The following EPHA7 variants were observed in gnomAD, a reference collection of about 807,000 sequenced individuals.
The protein encoded by EPHA7 is EPH receptor A7.
In EPHA7, 25 loss-of-function variants were observed where a neutral mutation model predicts 112.6. The observed-to-expected ratio is 0.22, with a 90% CI of 0.16 to 0.31. The LOEUF (loss-of-function observed/expected upper bound fraction) is 0.31, where lower values mean the gene tolerates loss of function less well. Ranked by LOEUF, EPHA7 falls within the 10% of genes least tolerant of loss-of-function variation. The pLI is 1.00. For synonymous variants in EPHA7, 437 were observed against 406.5 expected (o/e 1.07, Z -0.90); for missense variants, 962 against 1,212.6 (o/e 0.79, Z 3.07).
At chr6:93,300,235 A>T (rs1582476471) in intron 5 of EPHA7, among the ~76,000 whole-genome samples, 2 of 152,234 alleles carry the variant, frequency 1.3e-5, no homozygotes, top group East Asian at 3.8e-4. Context: ...ATAGTACTAC[A>T]ATCATAGAAC....
intron 5 of EPHA7, among the ~76,000 whole-genome samples, chr6:93,348,260 T>C (rs1161845011): frequency 6.6e-6 from 1 of 151,762 alleles, no homozygotes; most frequent in African/African-American, 2.4e-5. Context: ...AGAAGAGTCA[T>C]GGCACAGTGA....
intron 5 of EPHA7, among the ~76,000 whole-genome samples, chr6:93,284,179 C>T (rs1771935019): frequency 6.6e-6 from 1 of 152,036 alleles, no homozygotes; most frequent in Admixed American, 6.5e-5. Flanking sequence ...TATTTCTCTC[C>T]TTTTTTCCTG....
At chr6:93,359,874 G>GAGAGAGAGATAGATAGAT (rs1462833873) in intron 3 of EPHA7, among the ~76,000 whole-genome samples, 48 of 127,930 alleles carry the variant, frequency 3.8e-4, no homozygotes, top group African/African-American at 1.1e-3. Flanking sequence ...GAGAGAGAGA[G>GAGAGAGAGATAGATAGAT]AGATAGATAG....
At chr6:93,369,682 C>T (rs1012536576) in intron 3 of EPHA7, among the ~76,000 whole-genome samples, 6 of 152,176 alleles carry the variant, frequency 3.9e-5, no homozygotes, top group Admixed American at 1.3e-4. Flanking sequence ...TGTCCTCTAA[C>T]TCACCGTGAA....
chr6:93,301,042 T>C (rs986622371), intron 5 of EPHA7, among the ~76,000 whole-genome samples: 34 of 152,166 alleles, frequency 2.2e-4, no homozygotes, highest in Non-Finnish European at 4.3e-4. Context: ...AGTAAACATA[T>C]GGTATTATAA....
In EPHA7 at chr6:93,240,511, G is replaced by GT. The variant is rs1409078605; in HGVS notation, c.*2914dup. ...GTGCTCTGACAAGCATAAACCACCA[G>GT]TTCTAGTAAACAAGGACCAGATCAA... is the stretch of plus-strand genomic sequence containing the variant. On this transcript the variant is annotated 3_prime_UTR_variant, in exon 17 of 17. Coordinates refer to ENST00000369303, the MANE Select transcript of EPHA7 (RefSeq NM_004440.4). 1.8e-5 allele frequency: 4 copies of GT among 219,024 alleles called. No homozygotes were observed. The East Asian group carries it at 2.7e-4, about 15-fold the overall frequency. 13.6% of individuals were successfully genotyped at this position (219,024 alleles called of 1,614,324 possible). A position where few individuals can be genotyped will look rare whatever the true frequency, so the allele number is the denominator to read the frequency against.
Position 93,265,280 on chromosome 6 carries a change from C to T in EPHA7, c.1634-578G>A, listed in dbSNP as rs144077355. On this transcript the variant is annotated intron_variant, in intron 7 of 16. Coordinates refer to ENST00000369303, the MANE Select transcript of EPHA7 (RefSeq NM_004440.4). ...TTAATTTTCATGAAGTATGAGTAAA[C>T]ACATTTCATATTTTAAGATTACAAA... is the stretch of plus-strand genomic sequence containing the variant. 1.6e-4 allele frequency among the ~76,000 whole-genome samples: 25 copies of T among 151,756 alleles called. 1 individual carries two copies. In the East Asian group the frequency reaches 4.5e-3, roughly 27 times the overall value.
At chr6:93,394,619 G>A (rs1778076911) in intron 3 of EPHA7, among the ~76,000 whole-genome samples, 1 of 151,740 alleles carries the variant, frequency 6.6e-6, no homozygotes, top group African/African-American at 2.4e-5. Context: ...GTCTTTTTAA[G>A]TTTGGTAGAA....
At chr6:93,337,669 T>C (rs1446987711) in intron 5 of EPHA7, among the ~76,000 whole-genome samples, 1 of 152,146 alleles carries the variant, frequency 6.6e-6, no homozygotes, top group African/African-American at 2.4e-5. Flanking sequence ...TGTCAAACAG[T>C]AGAGTATCAC....
chr6:93,288,305 A>T (rs1178356044), intron 5 of EPHA7, among the ~76,000 whole-genome samples: 2 of 152,294 alleles, frequency 1.3e-5, no homozygotes, highest in East Asian at 3.9e-4. Flanking sequence ...GCTAGGTGAA[A>T]GAAGCCAGAC....
At chr6:93,333,017 C>A (rs1774674427) in intron 5 of EPHA7, among the ~76,000 whole-genome samples, 1 of 151,570 alleles carries the variant, frequency 6.6e-6, no homozygotes, top group South Asian at 2.1e-4. Context: ...GGTATTTTTT[C>A]TGATCCTCTC....
intron 3 of EPHA7, among the ~76,000 whole-genome samples, chr6:93,392,765 C>T (rs972307904): frequency 3.3e-5 from 5 of 151,894 alleles, no homozygotes; most frequent in African/African-American, 9.6e-5. Flanking sequence ...CAAACCTATC[C>T]ATTACATAAT....
chr6:93,291,479 C>T (rs1445697392), intron 5 of EPHA7, among the ~76,000 whole-genome samples: 3 of 152,082 alleles, frequency 2.0e-5, no homozygotes, highest in Non-Finnish European at 4.4e-5. Flanking sequence ...ATAAAAAATA[C>T]TTTTCTGGGC....
intron 14 of EPHA7, among the ~76,000 whole-genome samples, chr6:93,252,975 A>T (rs1414252643): frequency 6.6e-6 from 1 of 152,066 alleles, no homozygotes; most frequent in Non-Finnish European, 1.5e-5. Context: ...TTTAAAATTT[A>T]AAATTGGAGA....
intron 3 of EPHA7, among the ~76,000 whole-genome samples, chr6:93,386,805 G>A (rs1473136135): frequency 6.6e-6 from 1 of 152,082 alleles, no homozygotes; most frequent in African/African-American, 2.4e-5. Flanking sequence ...AGTTGCCAAG[G>A]CTTGTGGCTT....
intron 5 of EPHA7, among the ~76,000 whole-genome samples, chr6:93,314,040 A>G (rs1773668995): frequency 6.6e-6 from 1 of 151,352 alleles, no homozygotes; most frequent in East Asian, 1.9e-4. Flanking sequence ...CAATTCTTCT[A>G]TGTCTTACAG....
At chr6:93,295,835 A>G (rs1365327771) in intron 5 of EPHA7, among the ~76,000 whole-genome samples, 3 of 151,590 alleles carry the variant, frequency 2.0e-5, no homozygotes. Context: ...CTGACAATGC[A>G]TTTTCTGAAT....
chr6:93,349,401 C>T (rs1775574525), intron 5 of EPHA7, among the ~76,000 whole-genome samples: 1 of 151,806 alleles, frequency 6.6e-6, no homozygotes, highest in Admixed American at 6.6e-5. Context: ...CTTTCGGATA[C>T]CTCAGGTTTA....
At chr6:93,384,442 C>T (rs574175836) in intron 3 of EPHA7, among the ~76,000 whole-genome samples, 1 of 152,214 alleles carries the variant, frequency 6.6e-6, no homozygotes, top group South Asian at 2.1e-4. Flanking sequence ...GGCCATTGTT[C>T]CATAACTACA....
Sources: gnomAD v4.1 joint callset for allele counts (sites outside exome capture counted in the v4.1 genomes callset) on GRCh38, gnomAD v4.1.1 for gene constraint, MANE v1.5 for transcripts, NCBI Gene and HGNC (gene_info 2026-07-23, HGNC 2026-07-21) for gene names.